The following KALRN variants were observed in gnomAD, a reference collection of about 807,000 sequenced individuals.
KALRN encodes the protein kalirin RhoGEF kinase, also known as kalirin.
A neutral mutation model predicts 353.7 loss-of-function variants in KALRN; 70 were observed. The observed-to-expected ratio is 0.20, with a 90% CI of 0.16 to 0.24. KALRN has a LOEUF of 0.24. KALRN is among the 10% of genes least tolerant of loss of function. The pLI is 1.00. For synonymous variants in KALRN, 1,391 were observed against 1,434.8 expected (o/e 0.97, Z 0.69); for missense variants, 2,791 against 3,756.7 (o/e 0.74, Z 6.72).
At chr3:124,231,851 T>C (rs906261209) in intron 2 of KALRN, among the ~76,000 whole-genome samples, 1 of 152,238 alleles carries the variant, frequency 6.6e-6, no homozygotes, top group Non-Finnish European at 1.5e-5. Context: ...TTATTATTCA[T>C]CTCTGCTTAT....
At chr3:124,249,513 G>C (rs1227406807) in intron 3 of KALRN, among the ~76,000 whole-genome samples, 1 of 152,174 alleles carries the variant, frequency 6.6e-6, no homozygotes. Context: ...AAGGGGTCCA[G>C]TCATGGGCTC....
chr3:124,603,237 T>G (rs1332947378), intron 34 of KALRN, among the ~76,000 whole-genome samples: 1 of 152,228 alleles, frequency 6.6e-6, no homozygotes, highest in Non-Finnish European at 1.5e-5. Flanking sequence ...TTAACCACAG[T>G]CACACTTGTT....
rs2080906689 is a variant in KALRN, at chr3:124,632,618, A to G, written c.5381A>G (p.Lys1794Arg). ...GATGGAAACATCAAAAAGCAGAAGA[A>G]AGTTCGCGATGGTCGGAAGAGCTTT... The part of the protein sequence containing the change: ...KADGNIKKQK[K>R]VRDGRKSFDL... Residue 1794 changes from lysine (K) to arginine (R), a missense_variant, in exon 35 of 60, where the codon AAA (lysine) becomes AGA (arginine). This residue lies in a region of KALRN where 1,065 missense variants were observed against 1,156.4 expected (regional missense o/e 0.92). Transcript: ENST00000682506. 2.5e-6 allele frequency: 4 copies of G among 1,614,164 alleles called. No homozygotes were observed. The highest frequency in any genetic ancestry group is 3.4e-6 in the Non-Finnish European group (4 of 1,180,040).
chr3:124,459,302 T>C (rs530010430), intron 23 of KALRN, among the ~76,000 whole-genome samples: 3 of 152,116 alleles, frequency 2.0e-5, no homozygotes, highest in Non-Finnish European at 4.4e-5. Flanking sequence ...CAGAGGAAAA[T>C]AGGCAAGAAG....
At chr3:124,291,962 A>T (rs2076460337) in intron 5 of KALRN, among the ~76,000 whole-genome samples, 1 of 152,190 alleles carries the variant, frequency 6.6e-6, no homozygotes, top group African/African-American at 2.4e-5. Flanking sequence ...ATGTCCGTGT[A>T]ATGATCTCTT....
At chr3:124,114,993 A>C (rs889827003) in intron 1 of KALRN, among the ~76,000 whole-genome samples, 7 of 152,260 alleles carry the variant, frequency 4.6e-5, no homozygotes, top group Middle Eastern at 3.2e-3. Context: ...TGAGAATGAC[A>C]GTGAAGGGAA....
intron 5 of KALRN, among the ~76,000 whole-genome samples, chr3:124,273,947 T>C (rs956985644): frequency 6.6e-6 from 1 of 152,196 alleles, no homozygotes; most frequent in Admixed American, 6.5e-5. Flanking sequence ...TGGCCACCCC[T>C]CCAGTTGTGG....
intron 45 of KALRN, among the ~76,000 whole-genome samples, chr3:124,664,051 A>G (rs2085238149): frequency 6.6e-6 from 1 of 152,164 alleles, no homozygotes; most frequent in African/African-American, 2.4e-5. Flanking sequence ...TAGTGTAAGC[A>G]GGGTTACTCG....
chr3:124,593,023 CAGGTATG>C (rs1290422507), intron 34 of KALRN, among the ~76,000 whole-genome samples: 40 of 152,274 alleles, frequency 2.6e-4, no homozygotes, highest in Admixed American at 9.1e-4. Flanking sequence ...TTTCTGTTTC[CAGGTATG>C]TGCTCTTCCC....
chr3:124,044,237 G>A (rs996886971), intron 1 of KALRN, among the ~76,000 whole-genome samples: 1 of 152,148 alleles, frequency 6.6e-6, no homozygotes. Context: ...GGTCTCACAC[G>A]ACCCTCCAGA....
At chr3:124,114,237 T>C (rs2063256995) in intron 1 of KALRN, among the ~76,000 whole-genome samples, 1 of 152,164 alleles carries the variant, frequency 6.6e-6, no homozygotes, top group African/African-American at 2.4e-5. Flanking sequence ...CAAGCACCCC[T>C]TGGTACCTGT....
In KALRN at chr3:124,723,549, A is replaced by G. The variant is rs564706618; in HGVS notation, c.*4079A>G. On this transcript the variant is annotated 3_prime_UTR_variant, in exon 60 of 60. Coordinates refer to ENST00000682506, the MANE Select transcript of KALRN (RefSeq NM_001388419.1). ...AATTTTATTGATAGTAACTTTGAAC[A>G]TTCCAGGTTTTCAATATTCACGTCT... is the stretch of plus-strand genomic sequence containing the variant. The G allele has an allele frequency of 7.9e-5, 12 of 152,340 alleles. No homozygotes were observed. The highest frequency in any genetic ancestry group is 2.2e-4 in the African/African-American group (9 of 41,578). The allele number at this position is 152,340 out of a possible 1,614,324, so 9.4% of individuals were successfully genotyped here.
intron 34 of KALRN, among the ~76,000 whole-genome samples, chr3:124,598,607 T>C (rs1468129118): frequency 6.6e-6 from 1 of 152,142 alleles, no homozygotes; most frequent in Non-Finnish European, 1.5e-5. Context: ...TTCCCCTCAT[T>C]ACCCCCTCTG....
intron 20 of KALRN, among the ~76,000 whole-genome samples, 181 bp from the exon 21 acceptor site, chr3:124,446,582 A>G (rs973579785): frequency 6.6e-6 from 1 of 152,146 alleles, no homozygotes; most frequent in Non-Finnish European, 1.5e-5. Context: ...TTGCTGGTAA[A>G]TGTTCCAAAG....
chr3:124,536,475 T>G lies in KALRN; in HGVS notation c.4936-26368T>G, dbSNP rs547842040. Among the ~76,000 whole-genome samples, 8 of 152,350 alleles carry G rather than the reference T, an allele frequency of 5.3e-5. No individual in the cohort carries two copies. In the East Asian group the frequency reaches 1.5e-3, roughly 29 times the overall value. The stretch of plus-strand genomic sequence containing the variant: ...CCTCAGCCTCCCAAAATGCTGGGAT[T>G]ATAGGCGTGAGCCACCATGTCCAGC... On this transcript the variant is annotated intron_variant, in intron 33 of 59. Transcript: ENST00000682506.
At chr3:124,234,477 A>G (rs2079524241) in intron 2 of KALRN, among the ~76,000 whole-genome samples, 1 of 152,188 alleles carries the variant, frequency 6.6e-6, no homozygotes, top group South Asian at 2.1e-4. Context: ...TTTTCTCAAT[A>G]AGAACAGTTA....
At chr3:124,257,282 G>C (rs187708702) in intron 3 of KALRN, among the ~76,000 whole-genome samples, 3 of 152,222 alleles carry the variant, frequency 2.0e-5, no homozygotes, top group Non-Finnish European at 4.4e-5. Flanking sequence ...GTGCTTAACT[G>C]TTGTCCTTGG....
intron 5 of KALRN, among the ~76,000 whole-genome samples, chr3:124,276,820 C>G (rs541632168): frequency 6.6e-6 from 1 of 152,138 alleles, no homozygotes; most frequent in Non-Finnish European, 1.5e-5. Context: ...CAGGTGGGCA[C>G]GTATAGGGGC....
At chr3:124,650,001 T>G (rs185142616) in intron 37 of KALRN, among the ~76,000 whole-genome samples, 1,837 of 137,118 alleles carry the variant, frequency 0.013, 23 homozygotes, top group South Asian at 0.035. Flanking sequence ...ATAATAATAA[T>G]AATAAAGAAT....
Sources: allele counts gnomAD v4.1 joint callset (sites outside exome capture counted in the v4.1 genomes callset), GRCh38; gene constraint gnomAD v4.1.1; regional missense constraint gnomAD v4.1.1; transcripts MANE v1.5; gene names NCBI Gene and HGNC (gene_info 2026-07-23, HGNC 2026-07-21).